Variants in MICAL2 observed in about 807,000 individuals in gnomAD.
MICAL2 encodes microtubule associated monooxygenase, calponin and LIM domain containing 2.
In MICAL2, 77 loss-of-function variants were observed where a neutral mutation model predicts 127.3. That is an observed-to-expected ratio of 0.60 (90% CI 0.50 to 0.73). The LOEUF (loss-of-function observed/expected upper bound fraction) is 0.73, where lower values mean the gene tolerates loss of function less well. Ranked by LOEUF, MICAL2 falls within the 30% of genes least tolerant of loss-of-function variation. The pLI, the probability that MICAL2 is intolerant of heterozygous loss-of-function variation, is 0.00. For synonymous variants in MICAL2, 570 were observed against 551.1 expected (o/e 1.03, Z -0.48); for missense variants, 1,351 against 1,434.4 (o/e 0.94, Z 0.94).
At chr11:12,203,714 C>T (rs1458061891) in intron 3 of MICAL2, among the ~76,000 whole-genome samples, 1 of 152,120 alleles carries the variant, frequency 6.6e-6, no homozygotes, top group East Asian at 1.9e-4. Context: ...GTGTGGTTGT[C>T]TTTTCACTTT....
At chr11:12,323,343 G>A (rs1008380426) in intron 30 of MICAL2, among the ~76,000 whole-genome samples, 19 of 152,116 alleles carry the variant, frequency 1.2e-4, no homozygotes, top group African/African-American at 4.6e-4. Flanking sequence ...ACTTTCATTG[G>A]AATGATACAT....
intron 32 of MICAL2, among the ~76,000 whole-genome samples, chr11:12,342,222 T>C (rs2134883321): frequency 6.6e-6 from 1 of 152,354 alleles, no homozygotes; most frequent in Admixed American, 6.5e-5. Context: ...AGCTGCGTCC[T>C]GGTTCCTAGC....
chr11:12,128,380 T>C (rs141862203), intron 1 of MICAL2, among the ~76,000 whole-genome samples: 13 of 152,322 alleles, frequency 8.5e-5, no homozygotes, highest in African/African-American at 1.4e-4. Flanking sequence ...AGATAATAAG[T>C]GTTAACCACA....
chr11:12,355,904 GTCAGAGGGGC>G (rs952831854), intron 34 of MICAL2, among the ~76,000 whole-genome samples: 10 of 152,194 alleles, frequency 6.6e-5, no homozygotes, highest in African/African-American at 2.4e-4. Context: ...TTTTTTATAT[GTCAGAGGGGC>G]TCAGATGGGT....
intron 6 of MICAL2, among the ~76,000 whole-genome samples, chr11:12,210,613 G>A (rs1420202015): frequency 6.6e-6 from 1 of 152,150 alleles, no homozygotes; most frequent in African/African-American, 2.4e-5. Context: ...GAATGTTTAA[G>A]CTGCCAACTT....
downstream of MICAL2, chr11:12,358,874 C>A (rs1939170128): frequency 6.5e-6 from 1 of 154,134 alleles, no homozygotes; most frequent in Non-Finnish European, 1.4e-5. Context: ...ATTAATATAT[C>A]CATATTTGCC....
intron 2 of MICAL2, among the ~76,000 whole-genome samples, chr11:12,282,313 C>T (rs1025915310): frequency 1.3e-5 from 2 of 152,062 alleles, no homozygotes; most frequent in Non-Finnish European, 2.9e-5. Flanking sequence ...CTCCTGTGCC[C>T]AGCTGGGTCC....
intron 3 of MICAL2, among the ~76,000 whole-genome samples, chr11:12,175,455 A>C (rs1356934175): frequency 6.6e-6 from 1 of 152,154 alleles, no homozygotes; most frequent in Non-Finnish European, 1.5e-5. Context: ...CAGCCCGGGC[A>C]ACAGAGCAAG....
At chr11:12,326,549 C>T (rs1372000115) in intron 31 of MICAL2, among the ~76,000 whole-genome samples, 1 of 152,152 alleles carries the variant, frequency 6.6e-6, no homozygotes, top group African/African-American at 2.4e-5. Flanking sequence ...ACCTTAATAA[C>T]CTGCTAGTAA....
At chr11:12,287,417 A>T (rs1863839076), downstream of MICAL2, 1 of 324,028 alleles carries the variant, frequency 3.1e-6, no homozygotes, top group African/African-American at 2.1e-5. Flanking sequence ...GAGCCTTAGG[A>T]TTCTACAGTT....
chr11:12,140,721 A>T (rs1852272040), intron 2 of MICAL2, among the ~76,000 whole-genome samples: 1 of 152,184 alleles, frequency 6.6e-6, no homozygotes, highest in Non-Finnish European at 1.5e-5. Flanking sequence ...ATGCTACGTT[A>T]GACATTGATC....
chr11:12,164,956 G>A (rs1160987493), intron 3 of MICAL2, among the ~76,000 whole-genome samples: 2 of 152,078 alleles, frequency 1.3e-5, no homozygotes, highest in African/African-American at 4.8e-5. Flanking sequence ...CCAACATGGT[G>A]AAACCCCATC....
chr11:12,126,720 AAT>A (rs1491083545), intron 1 of MICAL2, among the ~76,000 whole-genome samples: 3 of 151,624 alleles, frequency 2.0e-5, no homozygotes, highest in African/African-American at 7.3e-5. Context: ...AAAAAAAAAA[AAT>A]TAAGTAACAG....
downstream of MICAL2, among the ~76,000 whole-genome samples, chr11:12,288,329 A>T (rs890259536): frequency 1.1e-4 from 16 of 152,180 alleles, no homozygotes; most frequent in Non-Finnish European, 5.9e-5. Context: ...ATATGAGTGT[A>T]GGGTCCATCC....
At chr11:12,189,690 C>T (rs1228532357) in intron 3 of MICAL2, among the ~76,000 whole-genome samples, 1 of 152,296 alleles carries the variant, frequency 6.6e-6, no homozygotes, top group Non-Finnish European at 1.5e-5. Flanking sequence ...ACCTGGGTCC[C>T]GGAAATCCTG....
At chr11:12,247,459 G>A (rs1860910897) in intron 21 of MICAL2, among the ~76,000 whole-genome samples, 1 of 152,206 alleles carries the variant, frequency 6.6e-6, no homozygotes, top group Non-Finnish European at 1.5e-5. Context: ...TGGGAATGAT[G>A]GAGGACCTCT....
chr11:12,257,203 T>C (rs1862448137), intron 24 of MICAL2: 6 of 468,782 alleles, frequency 1.3e-5, no homozygotes, highest in Admixed American at 3.9e-5. Flanking sequence ...TACCAGGTCC[T>C]GGTGGGCACC....
intron 21 of MICAL2, among the ~76,000 whole-genome samples, chr11:12,247,118 C>T (rs898187785): frequency 7.2e-5 from 11 of 152,106 alleles, no homozygotes; most frequent in Non-Finnish European, 1.2e-4. Flanking sequence ...TGGAGCCCAG[C>T]GTTCGGACTC....
intron 4 of MICAL2, among the ~76,000 whole-genome samples, chr11:12,207,399 G>T (rs182460465): frequency 6.6e-6 from 1 of 152,232 alleles, no homozygotes. Flanking sequence ...CTACAGAAAA[G>T]TATTTGGAGG....
Sources: allele counts gnomAD v4.1 joint callset (sites outside exome capture counted in the v4.1 genomes callset), GRCh38; gene constraint gnomAD v4.1.1; transcripts MANE v1.5; gene names NCBI Gene and HGNC (gene_info 2026-07-23, HGNC 2026-07-21).